Variants in TCF7L2 observed in about 807,000 individuals in gnomAD.
TCF7L2 encodes transcription factor 7-like 2.
In TCF7L2, 23 loss-of-function variants were observed where a neutral mutation model predicts 77.9. The observed-to-expected ratio is 0.30, with a 90% CI of 0.21 to 0.42. The LOEUF (loss-of-function observed/expected upper bound fraction) is 0.42, where lower values mean the gene tolerates loss of function less well. Among genes scored for constraint, TCF7L2 ranks in the 10% least tolerant of loss-of-function variants. TCF7L2 has a pLI of 1.00. For synonymous variants in TCF7L2, 413 were observed against 340.2 expected, an observed-to-expected ratio of 1.21 and a Z score of -2.36; for missense variants, 654 against 793.1, an observed-to-expected ratio of 0.82 and a Z score of 2.11.
Position 113,040,125 on chromosome 10 carries a change from T to C in TCF7L2, c.551T>C (p.Val184Ala). Residue 184 changes from valine (V) to alanine (A), a missense_variant and splice_region_variant, in exon 5 of 14, where the codon GTC (valine) becomes GCC (alanine). Coordinates refer to ENST00000627217, the MANE Select transcript of TCF7L2 (RefSeq NM_001146274.2). Reference sequence around the variant, plus strand: ...CGGTCCCCATCACCGGCACACATTGTCGTAAGTAACCTCCCAGAGATGATG... The same window carrying C: ...CGGTCCCCATCACCGGCACACATTGCCGTAAGTAACCTCCCAGAGATGATG... 6.2e-7 allele frequency: 1 copy of C among 1,613,706 alleles called. No individual in the cohort carries two copies. Among genetic ancestry groups the C allele is most frequent in the African/African-American group, 1.3e-5 (1 of 75,048 alleles).
At position 113,151,241 on chromosome 10, in the gene TCF7L2, A is replaced by G. The variant is rs2070689560; in HGVS notation, c.1001+118A>G. 2.2e-6 allele frequency: 3 copies of G among 1,388,988 alleles called. No homozygotes were observed. The highest frequency in any genetic ancestry group is 1.4e-5 in the African/African-American group (1 of 70,348). 86.0% of individuals were successfully genotyped at this position (1,388,988 alleles called of 1,614,324 possible). A position where few individuals can be genotyped will look rare whatever the true frequency, so the allele number is the denominator to read the frequency against. On this transcript the variant is annotated intron_variant, in intron 9 of 13. Transcript: ENST00000627217. The surrounding 1 kb of genome is among the most constrained non-coding windows in gnomAD (Gnocchi z 5.2). ...GCCTCGTTTGGTTTGACTGCAGCCA[A>G]TACCCAGCCTGTGTGGGCTCTTCAC... is the stretch of plus-strand genomic sequence containing the variant.
chr10:113,129,429 G>C, intron 5 of TCF7L2: 1 of 1,007,662 alleles, frequency 9.9e-7, no homozygotes, highest in Non-Finnish European at 1.2e-6. Context: ...GGGGAACATG[G>C]ACCTTCCCCC....
chr10:113,144,038 A>G lies in TCF7L2; in HGVS notation c.788+13A>G, dbSNP rs1374341399. The G allele has an allele frequency of 2.5e-6, 4 of 1,600,946 alleles. No individual in the cohort carries two copies. The African/African-American group carries it at 4.1e-5, about 16-fold the overall frequency. The stretch of plus-strand genomic sequence containing the variant: ...GGTTAGTACCACAGTAAGGAGTTCC[A>G]TTTTTTAATTTCCTTTTTGTTTCTT... On this transcript the variant is annotated intron_variant, in intron 7 of 13. Transcript: ENST00000627217.
chr10:113,119,886 A>G (rs553706323), intron 5 of TCF7L2, among the ~76,000 whole-genome samples: 1 of 152,328 alleles, frequency 6.6e-6, no homozygotes, highest in South Asian at 2.1e-4. Flanking sequence ...GCGCCGCACA[A>G]AATGTGGTCT....
chr10:113,141,421 T>C lies in TCF7L2; in HGVS notation c.685+105T>C, dbSNP rs2068355976. Reference sequence around the variant, plus strand: ...CCAGGGGTGGAGCAGTAGGGGACTTTGGGGGAACGGTGGTGGGGGGGCCCC... The same window carrying C: ...CCAGGGGTGGAGCAGTAGGGGACTTCGGGGGAACGGTGGTGGGGGGGCCCC... On this transcript the variant is annotated intron_variant, in intron 6 of 13. Coordinates refer to ENST00000627217, the MANE Select transcript of TCF7L2 (RefSeq NM_001146274.2). 8.6e-6 allele frequency: 13 copies of C among 1,506,526 alleles called. No individual in the cohort carries two copies. In the South Asian group the frequency reaches 1.1e-4, roughly 13 times the overall value. The allele number at this position is 1,506,526 out of a possible 1,614,324, so 93.3% of individuals were successfully genotyped here. A position where few individuals can be genotyped will look rare whatever the true frequency, so the allele number is the denominator to read the frequency against.
At chr10:113,060,292 A>C (rs763038977) in intron 5 of TCF7L2, among the ~76,000 whole-genome samples, 21 of 152,244 alleles carry the variant, frequency 1.4e-4, no homozygotes, top group Non-Finnish European at 2.4e-4. Flanking sequence ...ACTTGATTCG[A>C]GAAACAAACA....
At chr10:113,034,489 G>A (rs959084842) in intron 4 of TCF7L2, among the ~76,000 whole-genome samples, 1 of 152,330 alleles carries the variant, frequency 6.6e-6, no homozygotes, top group African/African-American at 2.4e-5. Flanking sequence ...AGCTTTGGGC[G>A]CATAAGCAGA....
At chr10:112,987,899 A>C (rs1317084628) in intron 4 of TCF7L2, 1 of 150,596 alleles carries the variant, frequency 6.6e-6, no homozygotes. Context: ...TAAATAAATA[A>C]ATAAATAAAA....
chr10:113,097,133 G>A (rs150726192), intron 5 of TCF7L2, among the ~76,000 whole-genome samples: 9 of 152,298 alleles, frequency 5.9e-5, no homozygotes, highest in African/African-American at 1.7e-4. Flanking sequence ...ACTCTGTCAC[G>A]TAGTGCTCAT....
intron 5 of TCF7L2, among the ~76,000 whole-genome samples, chr10:113,093,404 C>G (rs1340328351): frequency 1.3e-5 from 2 of 152,202 alleles, no homozygotes; most frequent in Non-Finnish European, 2.9e-5. Flanking sequence ...TGATACCAAC[C>G]ATCTTCCACT....
intron 4 of TCF7L2, among the ~76,000 whole-genome samples, chr10:112,982,102 G>A (rs955248082): frequency 4.6e-5 from 7 of 152,038 alleles, no homozygotes; most frequent in African/African-American, 7.2e-5. Flanking sequence ...TATTTCTCCT[G>A]GTTCCCTGCT....
At chr10:113,064,029 G>A (rs2056901028) in intron 5 of TCF7L2, among the ~76,000 whole-genome samples, 1 of 152,104 alleles carries the variant, frequency 6.6e-6, no homozygotes, top group African/African-American at 2.4e-5. Context: ...CTCCTGCGAG[G>A]AAGGGGAGGC....
At chr10:113,032,915 C>CT (rs1295919192) in intron 4 of TCF7L2, among the ~76,000 whole-genome samples, 2 of 152,126 alleles carry the variant, frequency 1.3e-5, no homozygotes, top group South Asian at 4.1e-4. Context: ...AAAAGGTTAA[C>CT]TGTAAGGATT....
chr10:112,995,970 C>G (rs74159631), intron 4 of TCF7L2, among the ~76,000 whole-genome samples: 1,581 of 152,284 alleles, frequency 0.01, 25 homozygotes, highest in African/African-American at 0.036. Flanking sequence ...CTGTGAGCCT[C>G]TAGGAGCTGA....
chr10:113,113,083 G>A (rs908388930), intron 5 of TCF7L2, among the ~76,000 whole-genome samples: 2 of 152,154 alleles, frequency 1.3e-5, no homozygotes, highest in East Asian at 3.8e-4. Context: ...TGTAGTAGCA[G>A]TAGTTAATTA....
chr10:113,068,012 G>A (rs1039966538), intron 5 of TCF7L2, among the ~76,000 whole-genome samples: 4 of 152,084 alleles, frequency 2.6e-5, no homozygotes, highest in African/African-American at 7.2e-5. Context: ...ACCTGGGTGC[G>A]AGTCTTCTTC....
chr10:113,049,032 G>A (rs943111686), intron 5 of TCF7L2, among the ~76,000 whole-genome samples: 5 of 152,238 alleles, frequency 3.3e-5, no homozygotes, highest in Middle Eastern at 6.8e-3. Context: ...TAAGGCGTGA[G>A]GGACTCATAG....
chr10:113,054,447 A>C (rs2055000442), intron 5 of TCF7L2, among the ~76,000 whole-genome samples: 1 of 152,198 alleles, frequency 6.6e-6, no homozygotes, highest in Non-Finnish European at 1.5e-5. Flanking sequence ...AAAGTTTGTC[A>C]CACTGACAAG....
intron 5 of TCF7L2, among the ~76,000 whole-genome samples, chr10:113,133,575 T>C (rs1386385842): frequency 2.0e-5 from 3 of 152,142 alleles, no homozygotes; most frequent in African/African-American, 7.2e-5. Flanking sequence ...ATCGAGTTAG[T>C]TCTAGGTATT....
Sources: gnomAD v4.1 joint callset for allele counts (sites outside exome capture counted in the v4.1 genomes callset) on GRCh38, gnomAD v4.1.1 for gene constraint, Gnocchi (gnomAD v3.1) non-coding constraint, MANE v1.5 for transcripts, NCBI Gene and HGNC (gene_info 2026-07-23, HGNC 2026-07-21) for gene names.